Variants in TBL1XR1 observed in about 807,000 individuals in gnomAD.
The protein encoded by TBL1XR1 is F-box-like/WD repeat-containing protein TBL1XR1.
TBL1XR1 carries 5 observed loss-of-function variants against 66.9 expected under a neutral mutation model. The ratio of observed to expected loss-of-function variants is 0.07; its 90% CI spans 0.04 to 0.16. TBL1XR1 has a LOEUF of 0.16. TBL1XR1 is among the 10% of genes least tolerant of loss of function. The pLI, the probability that TBL1XR1 is intolerant of heterozygous loss-of-function variation, is 1.00. For synonymous variants in TBL1XR1, 210 were observed against 206.0 expected (o/e 1.02, Z -0.17); for missense variants, 238 against 623.2 (o/e 0.38, Z 6.58).
chr3:177,041,711 T>C (rs55810131), intron 10 of TBL1XR1, among the ~76,000 whole-genome samples: 324 of 152,336 alleles, frequency 2.1e-3, no homozygotes, highest in Non-Finnish European at 4.1e-3. Flanking sequence ...CACTCTGCCC[T>C]GCTAGGATGT....
intron 1 of TBL1XR1, among the ~76,000 whole-genome samples, chr3:177,148,035 T>G (rs757243863): frequency 6.6e-6 from 1 of 152,222 alleles, no homozygotes; most frequent in Non-Finnish European, 1.5e-5. Context: ...AACAGACACT[T>G]AGCTTTTGTC....
At chr3:177,181,914 C>T (rs1734873328) in intron 1 of TBL1XR1, among the ~76,000 whole-genome samples, 1 of 151,976 alleles carries the variant, frequency 6.6e-6, no homozygotes, top group Non-Finnish European at 1.5e-5. Flanking sequence ...CCAAATAACA[C>T]CCCAATTCAG....
Position 177,053,706 on chromosome 3 carries a change from C to T in TBL1XR1, c.204+67G>A, listed in dbSNP as rs528091123. 10 of 1,459,338 alleles carry T rather than the reference C, an allele frequency of 6.9e-6. No individual in the cohort carries two copies. In the South Asian group the frequency reaches 1.2e-4, roughly 18 times the overall value. 90.4% of individuals were successfully genotyped at this position (1,459,338 alleles called of 1,614,324 possible). A position where few individuals can be genotyped will look rare whatever the true frequency, so the allele number is the denominator to read the frequency against. On this transcript the variant is annotated intron_variant, in intron 4 of 15. Transcript: ENST00000457928. ...AAAGTCAGAATACTGAATAAGCAAG[C>T]AAGACAGCTGACTTAACGGCATATT...
At chr3:177,186,938 G>A (rs920692637) in intron 1 of TBL1XR1, among the ~76,000 whole-genome samples, 18 of 151,998 alleles carry the variant, frequency 1.2e-4, no homozygotes, top group South Asian at 2.1e-4. Context: ...AGGCCGAGGC[G>A]GGCGGATCAC....
intron 2 of TBL1XR1, among the ~76,000 whole-genome samples, chr3:177,066,418 T>C (rs1328851412): frequency 3.3e-5 from 5 of 152,044 alleles, no homozygotes; most frequent in African/African-American, 9.7e-5. Context: ...ACAAGGGTGC[T>C]TGGGGAAGGG....
intron 1 of TBL1XR1, among the ~76,000 whole-genome samples, chr3:177,107,599 TA>T (rs1725033836): frequency 6.6e-6 from 1 of 152,166 alleles, no homozygotes; most frequent in African/African-American, 2.4e-5. Flanking sequence ...TCACCAAACT[TA>T]AAATGATACA....
intron 1 of TBL1XR1, among the ~76,000 whole-genome samples, chr3:177,187,943 C>CTTTTTTTTTTTTTTTTTTTTTTT (rs571361204): frequency 2.6e-5 from 2 of 77,838 alleles, no homozygotes; most frequent in African/African-American, 6.6e-5. Flanking sequence ...GTACAATTTC[C>CTTTTTTTTTTTTTTTTTTTTTTT]TTTTTTTTTT....
At chr3:177,197,833 G>A (rs959431775), upstream of TBL1XR1, among the ~76,000 whole-genome samples, 2 of 147,588 alleles carry the variant, frequency 1.4e-5, no homozygotes, top group Non-Finnish European at 3.0e-5. Flanking sequence ...AAGGCGCCTC[G>A]GGGCCCCGGG....
chr3:177,154,861 C>T (rs1731308622), intron 1 of TBL1XR1, among the ~76,000 whole-genome samples: 2 of 151,924 alleles, frequency 1.3e-5, no homozygotes, highest in African/African-American at 2.4e-5. Flanking sequence ...TACTGAAGTG[C>T]AAATAAAACA....
chr3:177,027,445 A>T (rs1713301875), intron 14 of TBL1XR1: 1 of 152,240 alleles, frequency 6.6e-6, no homozygotes, highest in South Asian at 2.1e-4. Flanking sequence ...ATTAAAACTC[A>T]ATCCAAAAAT....
chr3:177,152,423 A>C (rs567854455), intron 1 of TBL1XR1, among the ~76,000 whole-genome samples: 7 of 152,100 alleles, frequency 4.6e-5, no homozygotes, highest in Non-Finnish European at 8.8e-5. Flanking sequence ...TTAAACTGGG[A>C]TTACAGGCAC....
At chr3:177,172,554 G>A (rs917370169) in intron 1 of TBL1XR1, among the ~76,000 whole-genome samples, 62 of 149,184 alleles carry the variant, frequency 4.2e-4, no homozygotes, top group African/African-American at 1.5e-3. Context: ...GCCCAGGATC[G>A]GAAGGTTAGT....
intron 1 of TBL1XR1, among the ~76,000 whole-genome samples, chr3:177,178,207 G>A (rs7615963): frequency 0.45 from 68,283 of 152,086 alleles, 17,257 homozygotes; most frequent in Non-Finnish European, 0.56. Context: ...GCACAGCAGA[G>A]TTTGGGGAGG....
chr3:177,200,954 C>T (rs1381907517), upstream of TBL1XR1, among the ~76,000 whole-genome samples: 1 of 151,898 alleles, frequency 6.6e-6, no homozygotes, highest in African/African-American at 2.4e-5. Flanking sequence ...TTGCAGTGAG[C>T]CGAGATAGTG....
upstream of TBL1XR1, among the ~76,000 whole-genome samples, chr3:177,200,286 TAAAC>T (rs145745558): frequency 6.5e-3 from 987 of 152,296 alleles, 5 homozygotes; most frequent in Admixed American, 0.013. Flanking sequence ...GGAGTGTTTT[TAAAC>T]AAACAAACAA....
At chr3:177,094,819 G>A (rs546721494) in intron 2 of TBL1XR1, among the ~76,000 whole-genome samples, 5 of 152,118 alleles carry the variant, frequency 3.3e-5, no homozygotes, top group Middle Eastern at 6.8e-3. Context: ...TGGACTAGGG[G>A]GAAAGGGTGG....
At chr3:177,142,908 T>G (rs1245004047) in intron 1 of TBL1XR1, among the ~76,000 whole-genome samples, 1 of 151,982 alleles carries the variant, frequency 6.6e-6, no homozygotes, top group African/African-American at 2.4e-5. Flanking sequence ...CTTACCCACC[T>G]GAAGACAAAA....
chr3:177,106,769 G>A (rs540867955), intron 1 of TBL1XR1, among the ~76,000 whole-genome samples: 87 of 152,290 alleles, frequency 5.7e-4, no homozygotes, highest in African/African-American at 1.9e-3. Flanking sequence ...GCTTGGCCTG[G>A]ATTTCAGTGC....
At chr3:177,114,981 T>C (rs1305181099) in intron 1 of TBL1XR1, among the ~76,000 whole-genome samples, 1 of 150,500 alleles carries the variant, frequency 6.6e-6, no homozygotes, top group African/African-American at 2.4e-5. Flanking sequence ...CTTGTCACTT[T>C]GGGGAAAAAA....
Sources: allele counts gnomAD v4.1 joint callset (sites outside exome capture counted in the v4.1 genomes callset), GRCh38; gene constraint gnomAD v4.1.1; transcripts MANE v1.5; gene names NCBI Gene and HGNC (gene_info 2026-07-23, HGNC 2026-07-21).